Variants in ANKRD44 observed in about 807,000 individuals in gnomAD.
The protein encoded by ANKRD44 is serine/threonine-protein phosphatase 6 regulatory ankyrin repeat subunit B.
A neutral mutation model predicts 116.0 loss-of-function variants in ANKRD44; 35 were observed. The observed-to-expected ratio is 0.30, with a 90% CI of 0.23 to 0.40. The LOEUF (loss-of-function observed/expected upper bound fraction) is 0.40, where lower values mean the gene tolerates loss of function less well. Among genes scored for constraint, ANKRD44 ranks in the 10% least tolerant of loss-of-function variants. The pLI, the probability that ANKRD44 is intolerant of heterozygous loss-of-function variation, is 1.00. For missense variants in ANKRD44, 1,014 were observed against 1,242.6 expected (o/e 0.82, Z 2.77); for synonymous variants, 435 against 461.8 (o/e 0.94, Z 0.74).
intron 1 of ANKRD44, among the ~76,000 whole-genome samples, chr2:197,210,296 A>G (rs139596494): frequency 1.4e-4 from 22 of 152,352 alleles, no homozygotes; most frequent in African/African-American, 4.8e-4. Context: ...CTACTACTGT[A>G]TGGCAAGCAC....
rs139707508 is a variant in ANKRD44, at chr2:197,253,520, C to A, written c.27+57058G>T. On this transcript the variant is annotated intron_variant, in intron 1 of 27. Transcript: ENST00000282272. ...ATGTCTTCAATAATGTTGATTTCTG[C>A]ATTATTCTACTAATATGAATTATGC... 2.8e-4 allele frequency among the ~76,000 whole-genome samples: 43 copies of A among 152,172 alleles called. 1 individual carries two copies. Among genetic ancestry groups the A allele is most frequent in the African/African-American group, 9.4e-4 (39 of 41,502 alleles).
At position 196,986,941 on chromosome 2, in the gene ANKRD44, T is replaced by C; in HGVS notation, c.*2650A>G. 1.0e-6 allele frequency: 1 copy of C among 985,450 alleles called. No homozygotes were observed. The highest frequency in any genetic ancestry group is 1.7e-5 in the African/African-American group (1 of 57,384). 61.0% of individuals were successfully genotyped at this position (985,450 alleles called of 1,614,324 possible). ...ATCCCACTGAAATCATCAAACAATA[T>C]TTTATGCTGTTACAAATATGTTATG... On this transcript the variant is annotated 3_prime_UTR_variant, in exon 28 of 28. Coordinates refer to ENST00000282272, the MANE Select transcript of ANKRD44 (RefSeq NM_001195144.2).
At chr2:197,039,667 T>TTG (rs139563391) in intron 16 of ANKRD44, among the ~76,000 whole-genome samples, 23 of 128,410 alleles carry the variant, frequency 1.8e-4, no homozygotes, top group Admixed American at 6.8e-4. Context: ...GTGGTGGTGA[T>TTG]TGTGTGTGTG....
At chr2:197,095,450 T>A (rs189552275) in intron 10 of ANKRD44, among the ~76,000 whole-genome samples, 2 of 152,206 alleles carry the variant, frequency 1.3e-5, no homozygotes, top group Non-Finnish European at 2.9e-5. Flanking sequence ...GCATGCCAAG[T>A]CCACTGTTCC....
intron 10 of ANKRD44, among the ~76,000 whole-genome samples, chr2:197,096,996 G>A (rs2078176257): frequency 6.6e-6 from 1 of 152,162 alleles, no homozygotes; most frequent in Admixed American, 6.5e-5. Context: ...GCTCTTTCAG[G>A]CTGAGACAAT....
chr2:196,969,850 A>T (rs1302839109), intron 21 of ANKRD44, among the ~76,000 whole-genome samples: 1 of 152,210 alleles, frequency 6.6e-6, no homozygotes, highest in Non-Finnish European at 1.5e-5. Context: ...AATGAAGAAA[A>T]TCTGGAGGTG....
intron 2 of ANKRD44, among the ~76,000 whole-genome samples, 177 bp from the exon 3 acceptor site, chr2:197,147,282 C>T (rs1393556152): frequency 2.6e-5 from 4 of 152,122 alleles, no homozygotes; most frequent in Non-Finnish European, 5.9e-5. Context: ...TATAGTTACA[C>T]ATAACAAAGC....
intron 10 of ANKRD44, among the ~76,000 whole-genome samples, chr2:197,090,335 T>C: frequency 6.6e-6 from 1 of 152,222 alleles, no homozygotes; most frequent in East Asian, 1.9e-4. Context: ...TTCCCTGTCA[T>C]TTTCTTTCAG....
At chr2:197,073,535 C>A (rs1329224962) in intron 16 of ANKRD44, among the ~76,000 whole-genome samples, 1 of 152,166 alleles carries the variant, frequency 6.6e-6, no homozygotes, top group Non-Finnish European at 1.5e-5. Context: ...AGCTGCCTGG[C>A]CAGCAAGTTC....
At chr2:197,017,230 A>T (rs1039236468) in intron 17 of ANKRD44, among the ~76,000 whole-genome samples, 2 of 152,198 alleles carry the variant, frequency 1.3e-5, no homozygotes, top group African/African-American at 2.4e-5. Context: ...TTAAAGCATG[A>T]TCTCATTTAT....
At position 197,310,722 on chromosome 2, in the gene ANKRD44, G is replaced by C; in HGVS notation, c.-118C>G. 2 of 1,100,604 alleles carry C rather than the reference G, an allele frequency of 1.8e-6. No homozygotes were observed. Among genetic ancestry groups the C allele is most frequent in the Non-Finnish European group, 2.4e-6 (2 of 847,198 alleles). 68.2% of individuals were successfully genotyped at this position (1,100,604 alleles called of 1,614,324 possible). A position where few individuals can be genotyped will look rare whatever the true frequency, so the allele number is the denominator to read the frequency against. ...GGGAAAAAATCTGGCTCCCGAATTT[G>C]ACAGCCCTCCCCCTGCTCCTCCTCC... On this transcript the variant is annotated 5_prime_UTR_variant, in exon 1 of 28. Coordinates refer to ENST00000282272, the MANE Select transcript of ANKRD44 (RefSeq NM_001195144.2).
intron 21 of ANKRD44, among the ~76,000 whole-genome samples, chr2:197,002,688 T>C (rs1202693703): frequency 1.3e-5 from 2 of 152,198 alleles, no homozygotes; most frequent in Non-Finnish European, 2.9e-5. Context: ...AGAAGGGTGA[T>C]GGTTCCCCAG....
At chr2:197,001,493 G>A (rs1454689119) in intron 22 of ANKRD44, among the ~76,000 whole-genome samples, 1 of 152,138 alleles carries the variant, frequency 6.6e-6, no homozygotes, top group Admixed American at 6.5e-5. Flanking sequence ...TCTTCACATG[G>A]GTAATGCACC....
At chr2:197,144,119 A>C (rs569372760) in intron 3 of ANKRD44, among the ~76,000 whole-genome samples, 12 of 152,324 alleles carry the variant, frequency 7.9e-5, no homozygotes, top group African/African-American at 2.9e-4. Context: ...GGCAGTTGTA[A>C]GAAAGTGAAA....
At chr2:197,088,354 C>T (rs2077972428) in intron 12 of ANKRD44, among the ~76,000 whole-genome samples, 1 of 152,128 alleles carries the variant, frequency 6.6e-6, no homozygotes, top group African/African-American at 2.4e-5. Flanking sequence ...TCTTGATTAT[C>T]ACCCACATAA....
At chr2:197,018,058 T>C (rs1367381151) in intron 17 of ANKRD44, among the ~76,000 whole-genome samples, 1 of 152,240 alleles carries the variant, frequency 6.6e-6, no homozygotes, top group African/African-American at 2.4e-5. Flanking sequence ...ATTTCTATTC[T>C]TTCTTTAAAA....
At chr2:197,060,268 G>C (rs1302498888) in intron 16 of ANKRD44, among the ~76,000 whole-genome samples, 1 of 152,074 alleles carries the variant, frequency 6.6e-6, no homozygotes, top group Non-Finnish European at 1.5e-5. Flanking sequence ...GCAGTATCCA[G>C]CAGATAGAGA....
At chr2:197,078,415 A>T (rs1574413576) in intron 16 of ANKRD44, 1 of 602,480 alleles carries the variant, frequency 1.7e-6, no homozygotes, top group East Asian at 5.9e-5. Context: ...TTCCATGGCA[A>T]TGCTGGTGTT....
At chr2:197,261,515 CAA>C (rs36155331) in intron 1 of ANKRD44, among the ~76,000 whole-genome samples, 21 of 122,776 alleles carry the variant, frequency 1.7e-4, no homozygotes, top group South Asian at 2.5e-4. Flanking sequence ...TTTTGCCAAC[CAA>C]AAAAAAAAAA....
Sources: gnomAD v4.1 joint callset for allele counts (sites outside exome capture counted in the v4.1 genomes callset) on GRCh38, gnomAD v4.1.1 for gene constraint, MANE v1.5 for transcripts, NCBI Gene and HGNC (gene_info 2026-07-23, HGNC 2026-07-21) for gene names.